Variants in ST6GALNAC5 observed in about 807,000 individuals in gnomAD.
ST6GALNAC5 encodes the protein alpha-N-acetylgalactosaminide alpha-2,6-sialyltransferase 5.
A neutral mutation model predicts 33.6 loss-of-function variants in ST6GALNAC5; 27 were observed. That is an observed-to-expected ratio of 0.80 (90% CI 0.59 to 1.11). ST6GALNAC5 has a LOEUF of 1.11. Ranked by LOEUF, ST6GALNAC5 falls within the 50% of genes least tolerant of loss-of-function variation. ST6GALNAC5 has a pLI of 0.00. For missense variants in ST6GALNAC5, 428 were observed against 454.0 expected, an observed-to-expected ratio of 0.94 and a Z score of 0.52; for synonymous variants, 194 against 171.2, an observed-to-expected ratio of 1.13 and a Z score of -1.04.
chr1:76,982,097 C>T (rs1649278733), intron 2 of ST6GALNAC5, among the ~76,000 whole-genome samples: 1 of 152,136 alleles, frequency 6.6e-6, no homozygotes, highest in Admixed American at 6.5e-5. Context: ...AATCAGAGCA[C>T]CTCTTCTCCT....
intron 2 of ST6GALNAC5, among the ~76,000 whole-genome samples, chr1:76,871,086 A>C (rs549223371): frequency 6.6e-6 from 1 of 152,368 alleles, no homozygotes; most frequent in South Asian, 2.1e-4. Context: ...GTTCCTGTTT[A>C]ATTAGGTTTA....
At chr1:77,037,738 T>C (rs1344737179) in intron 2 of ST6GALNAC5, among the ~76,000 whole-genome samples, 1 of 151,934 alleles carries the variant, frequency 6.6e-6, no homozygotes, top group Non-Finnish European at 1.5e-5. Flanking sequence ...AGAAGTGAAC[T>C]TAAGAGCTAA....
Position 76,973,170 on chromosome 1 carries a change from T to C in ST6GALNAC5, c.262-71034T>C, listed in dbSNP as rs189724922. ...ATAGACAATTTTTCTTTGTATATGG[T>C]AGAATTTTTCATAATTCCTACAGTG... On this transcript the variant is annotated intron_variant, in intron 2 of 4. Coordinates refer to ENST00000477717, the MANE Select transcript of ST6GALNAC5 (RefSeq NM_030965.3). 8.9e-4 allele frequency among the ~76,000 whole-genome samples: 135 copies of C among 152,190 alleles called. 1 individual carries two copies. Among genetic ancestry groups the C allele is most frequent in the East Asian group, 3.7e-3 (19 of 5,180 alleles).
chr1:76,959,065 G>A (rs1018633835), intron 2 of ST6GALNAC5, among the ~76,000 whole-genome samples: 15 of 152,270 alleles, frequency 9.9e-5, no homozygotes, highest in East Asian at 3.9e-4. Flanking sequence ...GGCCTTCAGC[G>A]CTGGCTCTGC....
intron 2 of ST6GALNAC5, among the ~76,000 whole-genome samples, chr1:76,915,123 C>A (rs1340487923): frequency 8.0e-4 from 121 of 151,794 alleles, no homozygotes; most frequent in African/African-American, 2.8e-3. Flanking sequence ...CAGAGAAATG[C>A]AAATCAAAAC....
intron 4 of ST6GALNAC5, among the ~76,000 whole-genome samples, chr1:77,062,720 T>C (rs1474871773): frequency 6.6e-6 from 1 of 152,108 alleles, no homozygotes; most frequent in African/African-American, 2.4e-5. Flanking sequence ...ATATGTAGGG[T>C]CTAAATCTGA....
At chr1:76,930,592 T>C (rs984091553) in intron 2 of ST6GALNAC5, among the ~76,000 whole-genome samples, 8 of 152,158 alleles carry the variant, frequency 5.3e-5, no homozygotes, top group African/African-American at 1.7e-4. Flanking sequence ...AGTAGGCTTT[T>C]TGGGAGAATG....
intron 2 of ST6GALNAC5, among the ~76,000 whole-genome samples, chr1:76,914,899 C>T (rs1646953381): frequency 6.6e-6 from 1 of 152,064 alleles, no homozygotes. Context: ...TCAGAGTGAA[C>T]AGGCAACCTA....
intron 2 of ST6GALNAC5, among the ~76,000 whole-genome samples, chr1:76,980,837 AAC>A (rs1649220569): frequency 6.6e-6 from 1 of 152,216 alleles, no homozygotes; most frequent in Admixed American, 6.5e-5. Context: ...TGATACCAAA[AAC>A]ACAAGCAACA....
intron 2 of ST6GALNAC5, among the ~76,000 whole-genome samples, chr1:77,016,266 GTATCTCCTCCCCCTCATCCTCC>G (rs1650845862): frequency 1.1e-5 from 1 of 94,412 alleles, no homozygotes; most frequent in African/African-American, 4.3e-5. Flanking sequence ...TCCTCCTCCT[GTATCTCCTCCCCCTCATCCTCC>G]TGTATCTCCT....
intron 2 of ST6GALNAC5, among the ~76,000 whole-genome samples, chr1:76,880,591 G>C (rs564327020): frequency 6.6e-6 from 1 of 152,150 alleles, no homozygotes; most frequent in Non-Finnish European, 1.5e-5. Context: ...TCCAGTGTTC[G>C]AGGGCAGGAA....
At chr1:76,996,492 T>A (rs1418144797) in intron 2 of ST6GALNAC5, among the ~76,000 whole-genome samples, 1 of 152,200 alleles carries the variant, frequency 6.6e-6, no homozygotes, top group Non-Finnish European at 1.5e-5. Context: ...TGTTTGTGGA[T>A]GAAATCCTAT....
At chr1:77,057,809 A>T (rs1652449870) in intron 4 of ST6GALNAC5, among the ~76,000 whole-genome samples, 1 of 152,210 alleles carries the variant, frequency 6.6e-6, no homozygotes, top group Non-Finnish European at 1.5e-5. Flanking sequence ...AAACCTCGTC[A>T]GTACCCAGAA....
intron 2 of ST6GALNAC5, among the ~76,000 whole-genome samples, chr1:76,906,832 C>T (rs11162233): frequency 0.34 from 52,296 of 151,894 alleles, 10,220 homozygotes; most frequent in Non-Finnish European, 0.44. Flanking sequence ...TACTTTATTT[C>T]AACATATTCA....
chr1:76,971,276 G>A (rs947249545), intron 2 of ST6GALNAC5, among the ~76,000 whole-genome samples: 20 of 152,152 alleles, frequency 1.3e-4, no homozygotes, highest in African/African-American at 4.1e-4. Flanking sequence ...AGGGGAATGC[G>A]TGGGCAATCT....
intron 2 of ST6GALNAC5, among the ~76,000 whole-genome samples, chr1:76,980,493 A>C (rs1331515112): frequency 2.0e-5 from 3 of 152,228 alleles, no homozygotes; most frequent in African/African-American, 7.2e-5. Context: ...AGGCATATCA[A>C]TTAGACTATA....
intron 2 of ST6GALNAC5, among the ~76,000 whole-genome samples, chr1:77,011,112 GT>G (rs1431842363): frequency 8.2e-6 from 1 of 121,478 alleles, no homozygotes; most frequent in Non-Finnish European, 1.9e-5. Flanking sequence ...CTTGCTGGGA[GT>G]AAGCTTCAGC....
chr1:77,013,080 T>A (rs1044927673), intron 2 of ST6GALNAC5, among the ~76,000 whole-genome samples: 1 of 152,150 alleles, frequency 6.6e-6, no homozygotes, highest in Admixed American at 6.5e-5. Flanking sequence ...GAGCAGTGTG[T>A]GCACAAGAGG....
intron 2 of ST6GALNAC5, among the ~76,000 whole-genome samples, chr1:76,888,155 T>C (rs1287631342): frequency 6.6e-6 from 1 of 152,310 alleles, no homozygotes. Context: ...GTCAATGTGG[T>C]CTTTAATATA....
Sources: allele counts gnomAD v4.1 joint callset (sites outside exome capture counted in the v4.1 genomes callset), GRCh38; gene constraint gnomAD v4.1.1; transcripts MANE v1.5; gene names NCBI Gene and HGNC (gene_info 2026-07-23, HGNC 2026-07-21).